The following MAGI2 variants were observed in gnomAD, a reference collection of about 807,000 sequenced individuals.
MAGI2 encodes membrane associated guanylate kinase, WW and PDZ domain containing 2.
A neutral mutation model predicts 133.3 loss-of-function variants in MAGI2; 35 were observed. The ratio of observed to expected loss-of-function variants is 0.26; its 90% CI spans 0.20 to 0.35. The LOEUF (loss-of-function observed/expected upper bound fraction) is 0.35. Among genes scored for constraint, MAGI2 ranks in the 10% least tolerant of loss-of-function variants. The pLI is 1.00. For missense variants in MAGI2, 1,636 were observed against 1,863.4 expected (o/e 0.88, Z 2.25); for synonymous variants, 729 against 710.6 (o/e 1.03, Z -0.41).
At chr7:78,055,499 C>T (rs3779325) in intron 21 of MAGI2, among the ~76,000 whole-genome samples, 99,660 of 151,826 alleles carry the variant, frequency 0.66, 32,732 homozygotes, top group East Asian at 0.71. Context: ...TGATATTCTT[C>T]CTCCCTACTG....
At chr7:78,492,595 G>A (rs1267675390) in intron 5 of MAGI2, among the ~76,000 whole-genome samples, 2 of 152,024 alleles carry the variant, frequency 1.3e-5, no homozygotes, top group Non-Finnish European at 2.9e-5. Context: ...TTAAATGTCA[G>A]GCAGGAAACT....
At chr7:78,239,125 A>T (rs1295755595) in intron 10 of MAGI2, among the ~76,000 whole-genome samples, 1 of 152,178 alleles carries the variant, frequency 6.6e-6, no homozygotes, top group Non-Finnish European at 1.5e-5. Flanking sequence ...TTTCTAAAGG[A>T]GAACTGTCTG....
At chr7:78,261,472 A>G (rs1327541067) in intron 9 of MAGI2, among the ~76,000 whole-genome samples, 1 of 152,072 alleles carries the variant, frequency 6.6e-6, no homozygotes, top group Non-Finnish European at 1.5e-5. Flanking sequence ...TGTGAGTTCT[A>G]CCCGTTCCAA....
chr7:79,421,903 C>T (rs2129180204), intron 1 of MAGI2, among the ~76,000 whole-genome samples: 1 of 152,046 alleles, frequency 6.6e-6, no homozygotes, highest in Non-Finnish European at 1.5e-5. Flanking sequence ...ATACCAGGGT[C>T]CTCATATTCT....
chr7:78,168,174 G>A (rs955178488), intron 14 of MAGI2, 66 bp from the exon 15 acceptor site: 56 of 1,202,542 alleles, frequency 4.7e-5, no homozygotes, highest in African/African-American at 1.9e-4. Flanking sequence ...TTTTTTTTTC[G>A]AAACAGAGTC....
At chr7:78,975,040 T>C (rs1383636315) in intron 2 of MAGI2, among the ~76,000 whole-genome samples, 2 of 151,646 alleles carry the variant, frequency 1.3e-5, no homozygotes, top group East Asian at 3.9e-4. Flanking sequence ...AGACAAAAAT[T>C]AATATAAATG....
At chr7:78,600,319 T>C (rs1584794480) in intron 3 of MAGI2, among the ~76,000 whole-genome samples, 2 of 152,050 alleles carry the variant, frequency 1.3e-5, no homozygotes, top group African/African-American at 2.4e-5. Flanking sequence ...GAAGAAGACA[T>C]ATAGATGGAG....
At chr7:78,941,728 T>TCACACACACACAAACACA (rs1554613251) in intron 2 of MAGI2, among the ~76,000 whole-genome samples, 12 of 123,382 alleles carry the variant, frequency 9.7e-5, no homozygotes, top group African/African-American at 3.3e-4. Flanking sequence ...GCCTATTTCA[T>TCACACACACACAAACACA]CACACACACA....
At chr7:78,817,715 T>C (rs1455594341) in intron 2 of MAGI2, among the ~76,000 whole-genome samples, 1 of 121,672 alleles carries the variant, frequency 8.2e-6, no homozygotes, top group Admixed American at 8.1e-5. Flanking sequence ...TAGTGTAAAC[T>C]TTTTTTTTTT....
chr7:78,931,332 T>G (rs1319602231), intron 2 of MAGI2, among the ~76,000 whole-genome samples: 3 of 152,092 alleles, frequency 2.0e-5, no homozygotes, highest in African/African-American at 7.2e-5. Context: ...ACATAAATTT[T>G]AGTTCCCCTC....
intron 1 of MAGI2, among the ~76,000 whole-genome samples, chr7:79,396,138 T>G (rs1455748485): frequency 6.6e-6 from 1 of 152,200 alleles, no homozygotes; most frequent in East Asian, 1.9e-4. Context: ...TATTTTTTTT[T>G]TCTTTCTTGG....
At chr7:78,350,355 G>A (rs1180640753) in intron 7 of MAGI2, 1 of 152,176 alleles carries the variant, frequency 6.6e-6, no homozygotes, top group Non-Finnish European at 1.5e-5. Flanking sequence ...GAAAACAGAA[G>A]ACTCAGGGCT....
intron 6 of MAGI2, among the ~76,000 whole-genome samples, chr7:78,459,071 C>G (rs1011658899): frequency 7.9e-5 from 12 of 152,168 alleles, no homozygotes; most frequent in African/African-American, 2.9e-4. Context: ...TACATTTGCA[C>G]TTTTTAAACA....
intron 9 of MAGI2, among the ~76,000 whole-genome samples, chr7:78,310,743 T>C (rs1289420005): frequency 6.6e-6 from 1 of 152,148 alleles, no homozygotes; most frequent in African/African-American, 2.4e-5. Context: ...ATGTTAAATT[T>C]GTAGGATATC....
At chr7:78,361,510 A>G (rs1408017780) in intron 7 of MAGI2, among the ~76,000 whole-genome samples, 3 of 151,986 alleles carry the variant, frequency 2.0e-5, no homozygotes, top group Non-Finnish European at 4.4e-5. Flanking sequence ...TGTGAGAGGA[A>G]TGGTTCCTTT....
chr7:78,999,842 C>A, intron 2 of MAGI2, among the ~76,000 whole-genome samples: 1 of 152,176 alleles, frequency 6.6e-6, no homozygotes, highest in South Asian at 2.1e-4. Flanking sequence ...CTCTAATAAC[C>A]CTTATTCTTC....
At chr7:79,039,313 A>G (rs1419975680) in intron 1 of MAGI2, among the ~76,000 whole-genome samples, 2 of 152,172 alleles carry the variant, frequency 1.3e-5, no homozygotes, top group East Asian at 3.8e-4. Flanking sequence ...TTGTGAGTCA[A>G]TTAAACCTCT....
chr7:79,128,025 C>T (rs950394491), intron 1 of MAGI2, among the ~76,000 whole-genome samples: 2 of 152,118 alleles, frequency 1.3e-5, no homozygotes, highest in Admixed American at 6.5e-5. Flanking sequence ...TATGGCTAGC[C>T]AGTTTTCCCA....
chr7:78,380,685 C>T (rs559342609), intron 6 of MAGI2, among the ~76,000 whole-genome samples: 10 of 152,132 alleles, frequency 6.6e-5, no homozygotes, highest in African/African-American at 1.9e-4. Context: ...GATTGCACAA[C>T]AGGGAGACTA....
Sources: gnomAD v4.1 joint callset for allele counts (sites outside exome capture counted in the v4.1 genomes callset) on GRCh38, gnomAD v4.1.1 for gene constraint, MANE v1.5 for transcripts, NCBI Gene and HGNC (gene_info 2026-07-23, HGNC 2026-07-21) for gene names.